The following LRRC4C variants were observed in gnomAD, a reference collection of about 807,000 sequenced individuals.
The protein encoded by LRRC4C is leucine rich repeat containing 4C, also known as leucine-rich repeat-containing protein 4C.
A neutral mutation model predicts 33.6 loss-of-function variants in LRRC4C; 5 were observed. That is an observed-to-expected ratio of 0.15 (90% confidence interval 0.08 to 0.31). The LOEUF is 0.31. Ranked by LOEUF, LRRC4C falls within the 10% of genes least tolerant of loss-of-function variation. The pLI is 1.00. For missense variants in LRRC4C, 560 were observed against 796.7 expected, an observed-to-expected ratio of 0.70 and a Z score of 3.58; for synonymous variants, 329 against 302.0, an observed-to-expected ratio of 1.09 and a Z score of -0.93.
intron 3 of LRRC4C, among the ~76,000 whole-genome samples, chr11:40,501,066 G>A (rs992970961): frequency 2.6e-5 from 4 of 152,114 alleles, no homozygotes; most frequent in Admixed American, 2.6e-4. Context: ...AATCCACTGG[G>A]GCAGTCAAAT....
intron 5 of LRRC4C, among the ~76,000 whole-genome samples, chr11:40,236,627 T>C (rs2136056021): frequency 6.6e-6 from 1 of 152,190 alleles, no homozygotes; most frequent in East Asian, 1.9e-4. Flanking sequence ...AAAAGGTCCC[T>C]GAGGCACCCC....
chr11:41,235,449 G>A (rs1405060270), intron 1 of LRRC4C, among the ~76,000 whole-genome samples: 2 of 151,946 alleles, frequency 1.3e-5, no homozygotes, highest in Non-Finnish European at 2.9e-5. Flanking sequence ...CTGTTGTCTT[G>A]GGCACTGTGA....
intron 1 of LRRC4C, among the ~76,000 whole-genome samples, chr11:41,099,709 C>G (rs1941045850): frequency 6.6e-6 from 1 of 152,124 alleles, no homozygotes; most frequent in South Asian, 2.1e-4. Context: ...TAAGAGCTAT[C>G]TATGACAAAC....
At chr11:41,046,730 G>A (rs1857801267) in intron 1 of LRRC4C, among the ~76,000 whole-genome samples, 1 of 152,166 alleles carries the variant, frequency 6.6e-6, no homozygotes, top group African/African-American at 2.4e-5. Flanking sequence ...GGTCACTGTT[G>A]AGGGATCAGT....
chr11:41,149,467 G>T (rs1245889533), intron 1 of LRRC4C, among the ~76,000 whole-genome samples: 2 of 134,362 alleles, frequency 1.5e-5, no homozygotes, highest in Non-Finnish European at 1.5e-5. Flanking sequence ...CCGAGATCCC[G>T]CCACTGCACT....
intron 5 of LRRC4C, among the ~76,000 whole-genome samples, chr11:40,171,435 G>A (rs1012615259): frequency 2.0e-5 from 3 of 152,100 alleles, no homozygotes; most frequent in Admixed American, 6.6e-5. Flanking sequence ...TGTAGATAGG[G>A]CAGGATTGTT....
At chr11:40,743,038 C>T (rs552691166) in intron 2 of LRRC4C, among the ~76,000 whole-genome samples, 1 of 152,002 alleles carries the variant, frequency 6.6e-6, no homozygotes, top group African/African-American at 2.4e-5. Flanking sequence ...AGGTCAAGAT[C>T]TTTAATGACA....
intron 1 of LRRC4C, among the ~76,000 whole-genome samples, chr11:41,299,692 A>G (rs1250180331): frequency 6.6e-6 from 1 of 152,144 alleles, no homozygotes; most frequent in South Asian, 2.1e-4. Context: ...TAAAAAGTAC[A>G]TCTTTATTTC....
At chr11:40,709,656 A>T (rs1317093962) in intron 2 of LRRC4C, among the ~76,000 whole-genome samples, 1 of 151,838 alleles carries the variant, frequency 6.6e-6, no homozygotes, top group African/African-American at 2.4e-5. Flanking sequence ...TTCATTTCAA[A>T]CTTGGTGAAT....
intron 5 of LRRC4C, among the ~76,000 whole-genome samples, chr11:40,163,424 C>T (rs775112492): frequency 2.0e-5 from 3 of 152,038 alleles, no homozygotes; most frequent in African/African-American, 2.4e-5. Flanking sequence ...CAGGAATCAC[C>T]GGGTTGCAAA....
At chr11:40,257,337 CATATTTA>C (rs1325443005) in intron 4 of LRRC4C, among the ~76,000 whole-genome samples, 1 of 152,098 alleles carries the variant, frequency 6.6e-6, no homozygotes, top group Non-Finnish European at 1.5e-5. Context: ...AAGGACACAA[CATATTTA>C]CTATATACCA....
intron 3 of LRRC4C, among the ~76,000 whole-genome samples, chr11:40,575,381 T>G (rs1409611351): frequency 6.7e-6 from 1 of 149,128 alleles, no homozygotes; most frequent in South Asian, 2.2e-4. Flanking sequence ...GTCTGTTATT[T>G]TAATTTCATG....
intron 2 of LRRC4C, among the ~76,000 whole-genome samples, chr11:40,809,461 T>G (rs1424038375): frequency 6.6e-6 from 1 of 152,112 alleles, no homozygotes; most frequent in South Asian, 2.1e-4. Flanking sequence ...GTTTTCTTAA[T>G]TATACTTAAA....
At chr11:40,386,633 G>T (rs574573664) in intron 3 of LRRC4C, among the ~76,000 whole-genome samples, 1 of 152,164 alleles carries the variant, frequency 6.6e-6, no homozygotes, top group Admixed American at 6.5e-5. Flanking sequence ...CCCCATTCCT[G>T]CCTCTATCCC....
intron 1 of LRRC4C, among the ~76,000 whole-genome samples, chr11:41,312,929 A>C (rs1950683181): frequency 6.6e-6 from 1 of 152,202 alleles, no homozygotes; most frequent in East Asian, 1.9e-4. Context: ...ATGAAACATC[A>C]CAAGTAGTGG....
intron 3 of LRRC4C, among the ~76,000 whole-genome samples, chr11:40,602,040 A>C (rs1170797519): frequency 6.6e-6 from 1 of 151,252 alleles, no homozygotes; most frequent in Non-Finnish European, 1.5e-5. Flanking sequence ...AATACAAAAA[A>C]AAAATTTAGC....
At chr11:40,156,724 C>T (rs771902621) in intron 5 of LRRC4C, among the ~76,000 whole-genome samples, 2 of 151,944 alleles carry the variant, frequency 1.3e-5, no homozygotes, top group Non-Finnish European at 1.5e-5. Context: ...CAAAAGACCT[C>T]TACAAGGAAA....
At chr11:40,338,371 A>T (rs1946722000) in intron 3 of LRRC4C, among the ~76,000 whole-genome samples, 1 of 152,230 alleles carries the variant, frequency 6.6e-6, no homozygotes, top group Non-Finnish European at 1.5e-5. Flanking sequence ...TTTTATGCAT[A>T]TGACTCTCCA....
At chr11:41,140,202 C>T (rs544440103) in intron 1 of LRRC4C, among the ~76,000 whole-genome samples, 1 of 152,094 alleles carries the variant, frequency 6.6e-6, no homozygotes, top group Admixed American at 6.6e-5. Flanking sequence ...TTGAAATTTA[C>T]CCAACCCTGC....
Sources: allele counts gnomAD v4.1 joint callset (sites outside exome capture counted in the v4.1 genomes callset), GRCh38; gene constraint gnomAD v4.1.1; transcripts MANE v1.5; gene names NCBI Gene and HGNC (gene_info 2026-07-23, HGNC 2026-07-21).